Variants in PHF8 observed in about 807,000 individuals in gnomAD.
PHF8 encodes the protein histone lysine demethylase PHF8.
PHF8 carries 9 observed loss-of-function variants against 74.4 expected under a neutral mutation model. The ratio of observed to expected loss-of-function variants is 0.12; its 90% confidence interval spans 0.07 to 0.21. The LOEUF is 0.21. PHF8 is among the 10% of genes least tolerant of loss of function. The probability of loss-of-function intolerance (pLI) is 1.00; values close to 1 mark genes in which losing one functional copy is unlikely to be tolerated. For missense variants in PHF8, 478 were observed against 816.6 expected (o/e 0.59, Z 5.05); for synonymous variants, 311 against 316.6 (o/e 0.98, Z 0.19).
intron 20 of PHF8, chrX:53,942,827 A>G: frequency 1.3e-6 from 1 of 746,416 alleles, no homozygotes; most frequent in Non-Finnish European, 1.6e-6. Context: ...AGACAATCTG[A>G]TATACTCACT....
At chrX:54,015,127 C>T (rs2066041222) in intron 6 of PHF8, among the ~76,000 whole-genome samples, 1 of 101,110 alleles carries the variant, frequency 9.9e-6, no homozygotes, top group Non-Finnish European at 2.0e-5. Context: ...CATTCTATTT[C>T]CCAATCTTAT....
At chrX:54,005,253 A>G (rs1461664553) in intron 8 of PHF8, among the ~76,000 whole-genome samples, 1 of 110,481 alleles carries the variant, frequency 9.1e-6, no homozygotes, top group African/African-American at 3.3e-5. Flanking sequence ...AGATCACCTG[A>G]GGTCAGGAGT....
intron 18 of PHF8, among the ~76,000 whole-genome samples, chrX:53,983,679 C>CT (rs1242412623): frequency 8.9e-6 from 1 of 112,048 alleles, no homozygotes; most frequent in African/African-American, 3.2e-5. Flanking sequence ...CAAAAGGTTA[C>CT]TGTAAGAATT....
At chrX:53,965,499 C>T (rs1172485138) in intron 18 of PHF8, among the ~76,000 whole-genome samples, 4 of 112,632 alleles carry the variant, frequency 3.6e-5, no homozygotes, top group African/African-American at 6.4e-5. Flanking sequence ...ATTAGCCACG[C>T]GTGGTAGCAC....
At chrX:53,955,194 T>C (rs2064994774) in intron 19 of PHF8, among the ~76,000 whole-genome samples, 1 of 111,575 alleles carries the variant, frequency 9.0e-6, no homozygotes, top group Non-Finnish European at 1.9e-5. Context: ...CAGTTTTTAG[T>C]TGATTCTCTT....
chrX:54,017,839 G>A lies in PHF8; in HGVS notation c.294-18C>T. 8.3e-7 allele frequency: 1 copy of A among 1,205,905 alleles called. No individual in the cohort carries two copies. Among genetic ancestry groups the A allele is most frequent in the Non-Finnish European group, 1.1e-6 (1 of 890,475 alleles). ...CATCTGAGCTGTGGGCCGCAGGAGA[G>A]AAAGCTTGAGCCTGAGGCCCTGCCC... On this transcript the variant is annotated intron_variant, in intron 4 of 21. Coordinates refer to ENST00000338154, the MANE Select transcript of PHF8 (RefSeq NM_015107.3).
At chrX:53,984,365 C>CA (rs1489514051) in intron 18 of PHF8, among the ~76,000 whole-genome samples, 11 of 110,341 alleles carry the variant, frequency 1.0e-4, no homozygotes, top group East Asian at 5.7e-4. Flanking sequence ...GATTCTGTCT[C>CA]AAAAAAAACA....
At chrX:53,952,431 A>T (rs1022586742) in intron 19 of PHF8, among the ~76,000 whole-genome samples, 20 of 111,980 alleles carry the variant, frequency 1.8e-4, no homozygotes, top group Admixed American at 1.7e-3. Flanking sequence ...TATTTTTGTA[A>T]CTTTTTCTAA....
chrX:53,990,476 T>C (rs1414222225), intron 14 of PHF8, among the ~76,000 whole-genome samples: 2 of 111,302 alleles, frequency 1.8e-5, no homozygotes, highest in African/African-American at 6.5e-5. Flanking sequence ...GTACCTTCAA[T>C]AGCCATTATA....
At chrX:54,032,287 A>G (rs782634011) in intron 2 of PHF8, among the ~76,000 whole-genome samples, 1 of 111,267 alleles carries the variant, frequency 9.0e-6, no homozygotes, top group Admixed American at 9.6e-5. Context: ...ATCAGTTCCT[A>G]GATAATGCTG....
intron 19 of PHF8, among the ~76,000 whole-genome samples, chrX:53,952,170 G>A (rs1389339478): frequency 9.1e-6 from 1 of 109,532 alleles, no homozygotes; most frequent in Non-Finnish European, 1.9e-5. Flanking sequence ...TGTAATCCCA[G>A]CTACTTGGTA....
chrX:53,947,602 A>T (rs1288468260), intron 19 of PHF8, among the ~76,000 whole-genome samples: 1 of 112,221 alleles, frequency 8.9e-6, no homozygotes, highest in Non-Finnish European at 1.9e-5. Flanking sequence ...TGGTTTTAAA[A>T]CATGACCCCA....
At chrX:54,022,133 G>A (rs1372333792) in intron 4 of PHF8, 126 bp downstream of exon 4, 1 of 518,180 alleles carries the variant, frequency 1.9e-6, no homozygotes, top group East Asian at 3.4e-5. Context: ...AATTTGCAGA[G>A]CCCTGAAGAT....
At chrX:53,985,571 C>G (rs1444292104) in intron 17 of PHF8, among the ~76,000 whole-genome samples, 1 of 111,471 alleles carries the variant, frequency 9.0e-6, no homozygotes, top group Non-Finnish European at 1.9e-5. Context: ...AGCCCCTCTT[C>G]CCAACTTCCT....
intron 10 of PHF8, 45 bp downstream of exon 10, chrX:54,002,110 T>C: frequency 1.4e-6 from 1 of 693,163 alleles, no homozygotes; most frequent in East Asian, 3.2e-5. Context: ...ACTCATTCAC[T>C]CAGGGGAGAG....
intron 2 of PHF8, among the ~76,000 whole-genome samples, chrX:54,032,086 A>G (rs1557112725): frequency 9.0e-6 from 1 of 111,480 alleles, no homozygotes; most frequent in African/African-American, 3.3e-5. Flanking sequence ...CCTAAATCAG[A>G]TCACAACTCT....
At chrX:53,998,944 C>G (rs1281074845) in intron 11 of PHF8, among the ~76,000 whole-genome samples, 1 of 111,956 alleles carries the variant, frequency 8.9e-6, no homozygotes, top group African/African-American at 3.2e-5. Flanking sequence ...CTGTCTGATT[C>G]TTTAAAACTA....
chrX:53,940,246 C>A lies in PHF8; in HGVS notation c.2920G>T (p.Ala974Ser). The A allele has an allele frequency of 8.4e-7, 1 of 1,196,761 alleles. No homozygotes were observed. The change falls in exon 21 of 22, where the codon GCC becomes TCC. Residue 974 changes from alanine (A) to serine (S), a missense_variant. Physicochemically the swap from Ala to Ser is moderately conservative, Grantham distance 99. This residue lies in a region of PHF8 where 75 missense variants were observed against 93.3 expected (regional missense o/e 0.80). Coordinates refer to ENST00000338154, the MANE Select transcript of PHF8 (RefSeq NM_015107.3). ...CGCTGGGTCAAGAAGACACCGGGGG[C>A]CATAGGTGTGGTGCTGCGGTTTGCC... is the stretch of plus-strand genomic sequence containing the variant. ...AQANRSTTPM[A>S]PGVFLTQRRP...
intron 18 of PHF8, among the ~76,000 whole-genome samples, chrX:53,967,346 C>T (rs2065219367): frequency 9.1e-6 from 1 of 109,697 alleles, no homozygotes; most frequent in African/African-American, 3.3e-5. Context: ...CGGCCAGCCG[C>T]CCCGTCCGGG....
Sources: allele counts gnomAD v4.1 joint callset (sites outside exome capture counted in the v4.1 genomes callset), GRCh38; gene constraint gnomAD v4.1.1; regional missense constraint gnomAD v4.1.1; transcripts MANE v1.5; gene names NCBI Gene and HGNC (gene_info 2026-07-23, HGNC 2026-07-21).